The following KMT5B variants were observed in gnomAD, a reference collection of about 807,000 sequenced individuals.
KMT5B encodes the protein histone-lysine N-methyltransferase KMT5B.
In KMT5B, 10 loss-of-function variants were observed where a neutral mutation model predicts 83.2. That is an observed-to-expected ratio of 0.12 (90% CI 0.07 to 0.20). The LOEUF (loss-of-function observed/expected upper bound fraction) is 0.20. KMT5B is among the 10% of genes least tolerant of loss of function. The probability of loss-of-function intolerance (pLI) is 1.00; values close to 1 mark genes in which losing one functional copy is unlikely to be tolerated. For synonymous variants in KMT5B, 349 were observed against 388.8 expected, an observed-to-expected ratio of 0.90 and a Z score of 1.20; for missense variants, 753 against 1,067.2, an observed-to-expected ratio of 0.71 and a Z score of 4.10.
chr11:68,164,601 G>C (rs144564043), intron 10 of KMT5B: 8 of 495,368 alleles, frequency 1.6e-5, no homozygotes, highest in Non-Finnish European at 3.2e-5. Context: ...CCTTCAGAGA[G>C]AGCACTGAGC....
chr11:68,202,839 A>T (rs1374048234), intron 1 of KMT5B, among the ~76,000 whole-genome samples: 1 of 151,900 alleles, frequency 6.6e-6, no homozygotes, highest in Admixed American at 6.6e-5. Flanking sequence ...AAGCCACTGC[A>T]CCTGGCTTTA....
chr11:68,176,364 G>A (rs760552900), intron 4 of KMT5B, among the ~76,000 whole-genome samples: 2 of 152,130 alleles, frequency 1.3e-5, no homozygotes, highest in Non-Finnish European at 1.5e-5. Flanking sequence ...TCAGTAAAAC[G>A]TGTACTATAA....
rs997787256 is a variant in KMT5B at position 68,157,821 on chromosome 11, T to A, written c.2525A>T (p.Asp842Val). ...AATAAAATCGTCTTCAAAGTCATCA[T>A]CATAGTCATCCTCCTCTTCATCGCC... Reference protein sequence around the residue: ...SEGDEEEDDYDDDFEDDFIPL... With the variant: ...SEGDEEEDDYVDDFEDDFIPL... Residue 842 changes from aspartate to valine, a missense_variant, in exon 11 of 11, where the codon GAT becomes GTT. By Grantham distance (152) the Asp-to-Val change is radical. Transcript: ENST00000304363. The A allele has an allele frequency of 6.2e-7, 1 of 1,614,182 alleles. No homozygotes were observed.
Position 68,158,773 on chromosome 11 carries a change from C to T in KMT5B, c.1573G>A (p.Ala525Thr). The T allele has an allele frequency of 6.2e-7, 1 of 1,614,152 alleles. No individual in the cohort carries two copies. The highest frequency in any genetic ancestry group is 8.5e-7 in the Non-Finnish European group (1 of 1,180,038). ...REHRQNPVRGAHSQGESSPCT... is the reference protein window; with the variant it reads ...REHRQNPVRGTHSQGESSPCT... ...GGCGAGCTCTCCCCCTGCGAATGAG[C>T]ACCTCTCACAGGATTCTGTCTGTGT... The change falls in exon 11 of 11, where the codon GCT becomes ACT. Residue 525 changes from alanine (A) to threonine (T), a missense_variant. Transcript: ENST00000304363.
intron 1 of KMT5B, among the ~76,000 whole-genome samples, chr11:68,202,379 C>A (rs1819896462): frequency 6.6e-6 from 1 of 152,138 alleles, no homozygotes; most frequent in Admixed American, 6.5e-5. Context: ...TGGGGTGCCG[C>A]CACACTGCTC....
intron 3 of KMT5B, among the ~76,000 whole-genome samples, chr11:68,180,692 T>C (rs536185339): frequency 6.6e-6 from 1 of 152,208 alleles, no homozygotes; most frequent in African/African-American, 2.4e-5. Context: ...AGCTCACTGC[T>C]GGCCTGAGTC....
At position 68,156,633 on chromosome 11, in the gene KMT5B, A is replaced by G. The variant is rs1212799732; in HGVS notation, c.*1055T>C. 1.3e-5 allele frequency: 2 copies of G among 152,668 alleles called. No homozygotes were observed. Among genetic ancestry groups the G allele is most frequent in the Non-Finnish European group, 2.9e-5 (2 of 68,046 alleles). 9.5% of individuals were successfully genotyped at this position (152,668 alleles called of 1,614,324 possible). A position where few individuals can be genotyped will look rare whatever the true frequency, so the allele number is the denominator to read the frequency against. On this transcript the variant is annotated 3_prime_UTR_variant, in exon 11 of 11. Coordinates refer to ENST00000304363, the MANE Select transcript of KMT5B (RefSeq NM_017635.5). ...AGTTCTTTTAATTTCTTATGACAAA[A>G]ATTTCTCACAACACACAAATATTTA...
In KMT5B at chr11:68,183,420, C is replaced by T. The variant is rs181797803; in HGVS notation, c.308+2361G>A. Among the ~76,000 whole-genome samples, 236 of 146,514 alleles carry T rather than the reference C, an allele frequency of 1.6e-3. 1 individual carries two copies. The highest frequency in any genetic ancestry group is 5.5e-3 in the African/African-American group (217 of 39,572). ...TTGCCCAGGCTGGAGTGCAGTGGCG[C>T]GATCCCAGCTCACTGCAACTTCCAC... On this transcript the variant is annotated intron_variant, in intron 3 of 10. Transcript: ENST00000304363.
intron 1 of KMT5B, among the ~76,000 whole-genome samples, chr11:68,202,292 G>GT (rs1859533997): frequency 6.6e-6 from 1 of 152,114 alleles, no homozygotes; most frequent in Admixed American, 6.5e-5. Context: ...TGTGACTTTT[G>GT]TAACAAAATA....
At chr11:68,197,704 T>A (rs1321201950) in intron 1 of KMT5B, among the ~76,000 whole-genome samples, 16 of 152,206 alleles carry the variant, frequency 1.1e-4, no homozygotes, top group Admixed American at 9.8e-4. Context: ...TTATTTGAAC[T>A]CAAGGTAATT....
chr11:68,201,024 G>A (rs772836377), intron 1 of KMT5B, among the ~76,000 whole-genome samples: 40 of 152,102 alleles, frequency 2.6e-4, no homozygotes, highest in Admixed American at 3.9e-4. Flanking sequence ...TGGGGGGTGA[G>A]GGGACAATTT....
intron 10 of KMT5B, among the ~76,000 whole-genome samples, chr11:68,163,427 G>T (rs1228938780): frequency 6.6e-6 from 1 of 152,194 alleles, no homozygotes; most frequent in African/African-American, 2.4e-5. Flanking sequence ...ATATACAGAA[G>T]AATTATGGTG....
At position 68,157,707 on chromosome 11, in the gene KMT5B, G is replaced by T; in HGVS notation, c.2639C>A (p.Ser880Tyr). The change falls in exon 11 of 11, where the codon TCT becomes TAT. Residue 880 changes from serine to tyrosine, a missense_variant. This residue lies in a region of KMT5B where 161 missense variants were observed against 195.1 expected (regional missense o/e 0.83). Transcript: ENST00000304363. ...DISSRRREDQ[S>Y]LRLNA ...AAGAGCTTAGGCATTAAGCCTTAAA[G>T]ACTGATCTTCTCTTCTCCTTGAAGA... 6.3e-7 allele frequency: 1 copy of T among 1,588,076 alleles called. No homozygotes were observed. Among genetic ancestry groups the T allele is most frequent in the South Asian group, 1.1e-5 (1 of 86,970 alleles).
intron 1 of KMT5B, among the ~76,000 whole-genome samples, chr11:68,204,955 G>C (rs1453758325): frequency 1.3e-5 from 2 of 152,014 alleles, no homozygotes; most frequent in Admixed American, 1.3e-4. Context: ...TATGGAATTT[G>C]TTACAGTGAC....
At chr11:68,198,953 T>G (rs1859073126) in intron 1 of KMT5B, among the ~76,000 whole-genome samples, 1 of 152,166 alleles carries the variant, frequency 6.6e-6, no homozygotes, top group African/African-American at 2.4e-5. Context: ...CTGGTCTCAA[T>G]CTCCTGACCT....
rs375944787 is a variant in KMT5B, at chr11:68,177,465, G to C, written c.378-2282C>G. On this transcript the variant is annotated intron_variant, in intron 4 of 10. Transcript: ENST00000304363. ...TAAAGTAAAGTACCAGAATCAGGAA[G>C]AGGAAAGACATGAGGTCCTGAACAG... Among the ~76,000 whole-genome samples the C allele has an allele frequency of 2.2e-4, 33 of 152,294 alleles. No individual in the cohort carries two copies. The South Asian group carries it at 6.8e-3, about 32-fold the overall frequency.
Position 68,155,420 on chromosome 11 carries a change from A to C in KMT5B, c.*2268T>G, listed in dbSNP as rs79515617. On this transcript the variant is annotated 3_prime_UTR_variant, in exon 11 of 11. Coordinates refer to ENST00000304363, the MANE Select transcript of KMT5B (RefSeq NM_017635.5). ...ATGGGAAGGTTGGCCTCCAAAGAGG[A>C]GGCCATGATAAAATTAAAACATCAA... 1.5e-3 allele frequency: 227 copies of C among 152,304 alleles called. 1 individual carries two copies. Among genetic ancestry groups the C allele is most frequent in the African/African-American group, 4.9e-3 (205 of 41,566 alleles). The allele number at this position is 152,304 out of a possible 1,614,324, so 9.4% of individuals were successfully genotyped here. A position where few individuals can be genotyped will look rare whatever the true frequency, so the allele number is the denominator to read the frequency against.
chr11:68,184,494 T>C (rs1160281062), intron 3 of KMT5B, among the ~76,000 whole-genome samples: 2 of 152,168 alleles, frequency 1.3e-5, no homozygotes, highest in East Asian at 1.9e-4. Flanking sequence ...TAGCAAGGGA[T>C]AAAATTAAAA....
chr11:68,206,271 T>A (rs1273940905), intron 1 of KMT5B, among the ~76,000 whole-genome samples: 1 of 152,212 alleles, frequency 6.6e-6, no homozygotes, highest in Admixed American at 6.5e-5. Context: ...CTGTTTTCTC[T>A]AGGACTCAAA....
Sources: allele counts gnomAD v4.1 joint callset (sites outside exome capture counted in the v4.1 genomes callset), GRCh38; gene constraint gnomAD v4.1.1; regional missense constraint gnomAD v4.1.1; transcripts MANE v1.5; gene names NCBI Gene and HGNC (gene_info 2026-07-23, HGNC 2026-07-21).